Variants in GRM7 observed in about 807,000 individuals in gnomAD.
The protein encoded by GRM7 is metabotropic glutamate receptor 7.
Under a neutral mutation model 84.5 loss-of-function variants are expected in GRM7, and 35 were observed. That is an observed-to-expected ratio of 0.41 (90% CI 0.32 to 0.55). The LOEUF is 0.55. Ranked by LOEUF, GRM7 falls within the 20% of genes least tolerant of loss-of-function variation. The pLI, the probability that GRM7 is intolerant of heterozygous loss-of-function variation, is 0.19. For missense variants in GRM7, 1,003 were observed against 1,194.6 expected, an observed-to-expected ratio of 0.84 and a Z score of 2.36; for synonymous variants, 487 against 455.1, an observed-to-expected ratio of 1.07 and a Z score of -0.89.
chr3:7,533,015 C>T lies in GRM7; in HGVS notation c.1516-45407C>T, dbSNP rs772127652. Among the ~76,000 whole-genome samples, 84 of 151,956 alleles carry T rather than the reference C, an allele frequency of 5.5e-4. 1 individual carries two copies. Among genetic ancestry groups the T allele is most frequent in the Admixed American group, 2.8e-3 (42 of 15,240 alleles). Reference sequence around the variant, plus strand: ...ATTCATAAAGCACGTTCTTAGAGACCAACAAAGAGACTTAGACTCCCACAC... The same window carrying T: ...ATTCATAAAGCACGTTCTTAGAGACTAACAAAGAGACTTAGACTCCCACAC... On this transcript the variant is annotated intron_variant, in intron 7 of 9. Transcript: ENST00000357716.
intron 2 of GRM7, among the ~76,000 whole-genome samples, chr3:7,236,780 C>T (rs938558349): frequency 6.6e-6 from 1 of 152,104 alleles, no homozygotes; most frequent in Admixed American, 6.5e-5. Context: ...GCCCACTGAC[C>T]ACAGACATAT....
At chr3:7,487,283 A>C (rs973489884) in intron 7 of GRM7, among the ~76,000 whole-genome samples, 1 of 152,170 alleles carries the variant, frequency 6.6e-6, no homozygotes, top group African/African-American at 2.4e-5. Flanking sequence ...GAGTCTGAAA[A>C]TTTGGAAAAT....
At chr3:7,500,822 A>T (rs1311557191) in intron 7 of GRM7, among the ~76,000 whole-genome samples, 2 of 152,224 alleles carry the variant, frequency 1.3e-5, no homozygotes, top group Non-Finnish European at 2.9e-5. Flanking sequence ...ACCATGTGAC[A>T]GACGTGCACT....
intron 4 of GRM7, among the ~76,000 whole-genome samples, chr3:7,414,296 G>T (rs145328768): frequency 6.6e-6 from 1 of 152,056 alleles, no homozygotes; most frequent in East Asian, 1.9e-4. Flanking sequence ...GGAAGGAGAT[G>T]GTGTAGTCTT....
intron 7 of GRM7, among the ~76,000 whole-genome samples, chr3:7,490,977 A>T (rs1699498089): frequency 6.6e-6 from 1 of 152,084 alleles, no homozygotes; most frequent in Non-Finnish European, 1.5e-5. Flanking sequence ...AAAAATCTGA[A>T]AATAATTAAA....
intron 2 of GRM7, among the ~76,000 whole-genome samples, chr3:7,262,296 T>C (rs997506749): frequency 1.6e-4 from 24 of 152,176 alleles, no homozygotes; most frequent in African/African-American, 4.8e-4. Flanking sequence ...TTTGTTCCTT[T>C]TCATTCTTCT....
intron 9 of GRM7, among the ~76,000 whole-genome samples, chr3:7,724,097 G>A (rs891383608): frequency 1.3e-5 from 2 of 152,110 alleles, no homozygotes; most frequent in Non-Finnish European, 2.9e-5. Flanking sequence ...AGCCTGATAT[G>A]TCTGGGCACA....
intron 7 of GRM7, among the ~76,000 whole-genome samples, chr3:7,551,892 G>C (rs890191426): frequency 6.6e-6 from 1 of 152,140 alleles, no homozygotes; most frequent in Non-Finnish European, 1.5e-5. Flanking sequence ...AGCAAGGCTG[G>C]GGAGGCTTCA....
chr3:7,354,537 A>G (rs1693302783), intron 4 of GRM7, among the ~76,000 whole-genome samples: 1 of 152,154 alleles, frequency 6.6e-6, no homozygotes, highest in South Asian at 2.1e-4. Context: ...GCTTAGGAAA[A>G]TCGTAAGACA....
At chr3:7,688,476 C>G (rs948565130) in intron 9 of GRM7, among the ~76,000 whole-genome samples, 2 of 152,052 alleles carry the variant, frequency 1.3e-5, no homozygotes, top group Non-Finnish European at 2.9e-5. Flanking sequence ...GTTCCCTTTT[C>G]TGACCAATTT....
chr3:7,640,176 G>A (rs547007669), intron 8 of GRM7, among the ~76,000 whole-genome samples: 8 of 152,182 alleles, frequency 5.3e-5, no homozygotes, highest in Admixed American at 2.6e-4. Flanking sequence ...GATGACCAAC[G>A]CATGTTGGGC....
chr3:7,303,164 T>C (rs1297691414), intron 3 of GRM7, among the ~76,000 whole-genome samples: 1 of 152,072 alleles, frequency 6.6e-6, no homozygotes, highest in Admixed American at 6.6e-5. Context: ...ATGGTCTTGA[T>C]CTCCTGACCT....
intron 1 of GRM7, among the ~76,000 whole-genome samples, chr3:7,064,481 C>CATATATAT (rs1697564963): frequency 1.8e-5 from 1 of 56,318 alleles, no homozygotes; most frequent in Non-Finnish European, 3.4e-5. Context: ...TATATATATA[C>CATATATAT]ACACATATAC....
chr3:7,105,323 C>G (rs150468039), intron 1 of GRM7, among the ~76,000 whole-genome samples: 1 of 151,978 alleles, frequency 6.6e-6, no homozygotes, highest in East Asian at 1.9e-4. Flanking sequence ...AACTCATATT[C>G]TTTGTCTACA....
At chr3:7,266,201 G>GA (rs933815779) in intron 2 of GRM7, among the ~76,000 whole-genome samples, 7 of 150,798 alleles carry the variant, frequency 4.6e-5, no homozygotes, top group East Asian at 1.9e-4. Context: ...TTGTTCAAGG[G>GA]AAAAAAAAAT....
At chr3:7,254,820 G>A (rs1425048596) in intron 2 of GRM7, among the ~76,000 whole-genome samples, 1 of 152,128 alleles carries the variant, frequency 6.6e-6, no homozygotes, top group Non-Finnish European at 1.5e-5. Context: ...TTCCTAATAG[G>A]GCAATGGTGA....
chr3:6,925,057 G>T (rs1486866539), intron 1 of GRM7, among the ~76,000 whole-genome samples: 2 of 152,170 alleles, frequency 1.3e-5, no homozygotes, highest in Admixed American at 1.3e-4. Flanking sequence ...GAAAGAAAAA[G>T]AGATATGAGT....
chr3:7,511,721 A>G (rs986754445), intron 7 of GRM7, among the ~76,000 whole-genome samples: 9 of 152,220 alleles, frequency 5.9e-5, no homozygotes, highest in African/African-American at 1.2e-4. Flanking sequence ...AGATTTCTCA[A>G]TGAGACCACA....
intron 8 of GRM7, among the ~76,000 whole-genome samples, chr3:7,581,291 A>G (rs1695238331): frequency 6.6e-6 from 1 of 152,186 alleles, no homozygotes; most frequent in Non-Finnish European, 1.5e-5. Context: ...ATGTATTGGT[A>G]GAATTGGAGT....
Sources: allele counts gnomAD v4.1 joint callset (sites outside exome capture counted in the v4.1 genomes callset), GRCh38; gene constraint gnomAD v4.1.1; transcripts MANE v1.5; gene names NCBI Gene and HGNC (gene_info 2026-07-23, HGNC 2026-07-21).